The following GRID2 variants were observed in gnomAD, a reference collection of about 807,000 sequenced individuals.
GRID2 encodes glutamate ionotropic receptor delta type subunit 2, also known as glutamate receptor ionotropic, delta-2.
In GRID2, 33 loss-of-function variants were observed where a neutral mutation model predicts 114.8. The observed-to-expected ratio is 0.29, with a 90% CI of 0.22 to 0.38. The LOEUF (loss-of-function observed/expected upper bound fraction) is 0.38, where lower values mean the gene tolerates loss of function less well. Among genes scored for constraint, GRID2 ranks in the 10% least tolerant of loss-of-function variants. GRID2 has a pLI of 1.00. For synonymous variants in GRID2, 505 were observed against 449.9 expected (o/e 1.12, Z -1.55); for missense variants, 1,184 against 1,257.7 (o/e 0.94, Z 0.89).
intron 14 of GRID2, among the ~76,000 whole-genome samples, chr4:93,703,141 G>A (rs1285114751): frequency 1.3e-5 from 2 of 152,076 alleles, no homozygotes; most frequent in East Asian, 1.9e-4. Context: ...CATCAAGCAT[G>A]TATTCATGTT....
At chr4:92,795,105 C>T (rs181446081) in intron 2 of GRID2, among the ~76,000 whole-genome samples, 1 of 151,528 alleles carries the variant, frequency 6.6e-6, no homozygotes, top group East Asian at 2.0e-4. Context: ...AGGACTTTGT[C>T]TGGCTGTTTT....
At chr4:93,754,223 G>T (rs1732563997) in intron 14 of GRID2, among the ~76,000 whole-genome samples, 1 of 152,130 alleles carries the variant, frequency 6.6e-6, no homozygotes, top group Admixed American at 6.5e-5. Context: ...TCATTATGAG[G>T]TACATGACTG....
At chr4:93,160,227 A>T (rs1737563372) in intron 4 of GRID2, among the ~76,000 whole-genome samples, 1 of 151,856 alleles carries the variant, frequency 6.6e-6, no homozygotes, top group Non-Finnish European at 1.5e-5. Flanking sequence ...ATTGTGAAAC[A>T]CAGGTCATGA....
At chr4:92,932,876 G>T (rs1578514967) in intron 2 of GRID2, among the ~76,000 whole-genome samples, 1 of 151,324 alleles carries the variant, frequency 6.6e-6, no homozygotes, top group Middle Eastern at 3.4e-3. Flanking sequence ...AATTTGTAAA[G>T]TAGGCAAACT....
At chr4:93,073,668 A>T (rs1019478135) in intron 2 of GRID2, among the ~76,000 whole-genome samples, 4 of 152,110 alleles carry the variant, frequency 2.6e-5, no homozygotes, top group African/African-American at 9.7e-5. Flanking sequence ...AAGGGGGAAA[A>T]ATCCTCTTAT....
intron 4 of GRID2, among the ~76,000 whole-genome samples, chr4:93,157,096 A>T (rs1345299540): frequency 6.6e-6 from 1 of 151,692 alleles, no homozygotes; most frequent in Non-Finnish European, 1.5e-5. Flanking sequence ...GTTAAAGTGA[A>T]ATTTTGTCAC....
rs570975225 is a variant in GRID2, at chr4:93,663,491, ATATG to A, written c.2360+37064_2360+37067del. On this transcript the variant is annotated intron_variant, in intron 14 of 15. Transcript: ENST00000282020. ...AGTACTCACTGTGTGTCCAAAATACATATGTATGTATTATGTGTGTGTATGTGTG... is the reference window on the plus strand; with the variant it reads ...AGTACTCACTGTGTGTCCAAAATACATATGTATTATGTGTGTGTATGTGTG... Among the ~76,000 whole-genome samples the A allele has an allele frequency of 1.5e-3, 230 of 152,148 alleles. 2 individuals carry two copies. The highest frequency in any genetic ancestry group is 2.2e-3 in the Non-Finnish European group (152 of 67,988).
At chr4:92,459,784 T>C (rs978020464) in intron 1 of GRID2, among the ~76,000 whole-genome samples, 1 of 151,658 alleles carries the variant, frequency 6.6e-6, no homozygotes, top group Non-Finnish European at 1.5e-5. Context: ...ATAGATGAGA[T>C]TAGCATTTAT....
intron 2 of GRID2, among the ~76,000 whole-genome samples, chr4:92,887,358 T>TTTTTG (rs1178382314): frequency 2.0e-5 from 3 of 152,152 alleles, no homozygotes; most frequent in South Asian, 2.1e-4. Flanking sequence ...CATATCTTTG[T>TTTTTG]TTTTGTTTTG....
intron 1 of GRID2, among the ~76,000 whole-genome samples, chr4:92,355,354 T>G (rs1579229520): frequency 6.6e-6 from 1 of 152,056 alleles, no homozygotes; most frequent in East Asian, 1.9e-4. Context: ...ATGCAAAATT[T>G]TACTACTTAA....
intron 1 of GRID2, among the ~76,000 whole-genome samples, chr4:92,502,109 A>T (rs770864820): frequency 5.3e-5 from 8 of 152,112 alleles, no homozygotes; most frequent in Non-Finnish European, 1.5e-5. Flanking sequence ...TATTCCTTTT[A>T]AAAAAATAAA....
intron 13 of GRID2, among the ~76,000 whole-genome samples, chr4:93,524,626 G>T (rs571422024): frequency 2.0e-5 from 3 of 151,696 alleles, no homozygotes; most frequent in Admixed American, 6.6e-5. Flanking sequence ...TAGAATCATT[G>T]TGACACATGT....
chr4:93,123,332 A>G (rs1733968306), intron 4 of GRID2, among the ~76,000 whole-genome samples: 1 of 152,200 alleles, frequency 6.6e-6, no homozygotes, highest in African/African-American at 2.4e-5. Context: ...ATAATTGTGG[A>G]AAAACAAGAA....
chr4:93,577,161 G>A (rs539978956), intron 13 of GRID2, among the ~76,000 whole-genome samples: 21 of 152,092 alleles, frequency 1.4e-4, no homozygotes, highest in Non-Finnish European at 2.5e-4. Context: ...TTACACTCAA[G>A]CGTCATACAA....
intron 2 of GRID2, among the ~76,000 whole-genome samples, chr4:92,849,668 T>C (rs1164894073): frequency 6.6e-6 from 1 of 151,908 alleles, no homozygotes; most frequent in Non-Finnish European, 1.5e-5. Flanking sequence ...GCAATCTTTA[T>C]TATAGTCTAA....
chr4:92,340,893 A>G (rs1461623417), intron 1 of GRID2, among the ~76,000 whole-genome samples: 1 of 152,068 alleles, frequency 6.6e-6, no homozygotes, highest in Non-Finnish European at 1.5e-5. Flanking sequence ...TTTTTCTGAG[A>G]CCACAAAGCA....
intron 1 of GRID2, among the ~76,000 whole-genome samples, chr4:92,559,364 C>A (rs908644128): frequency 6.6e-6 from 1 of 152,038 alleles, no homozygotes; most frequent in Non-Finnish European, 1.5e-5. Context: ...ATGCTCGGGA[C>A]AAGAAGTGTT....
chr4:92,709,327 TAAC>T (rs1163248997), intron 2 of GRID2, among the ~76,000 whole-genome samples: 7 of 152,046 alleles, frequency 4.6e-5, no homozygotes, highest in African/African-American at 7.2e-5. Flanking sequence ...AAATATTTAA[TAAC>T]AACATTCTGC....
In GRID2 at chr4:93,320,399, G is replaced by A. The variant is rs903233436; in HGVS notation, c.1246-75208G>A. On this transcript the variant is annotated intron_variant, in intron 8 of 15. Transcript: ENST00000282020. ...AATAAGTGATTCTCAACACTTTGAG[G>A]AATTTTAACCCATGAGGACATTTTA... is the stretch of plus-strand genomic sequence containing the variant. Among the ~76,000 whole-genome samples the A allele has an allele frequency of 7.2e-5, 11 of 152,208 alleles. No homozygotes were observed. In the South Asian group the frequency reaches 1.2e-3, roughly 17 times the overall value.
Sources: allele counts gnomAD v4.1 joint callset (sites outside exome capture counted in the v4.1 genomes callset), GRCh38; gene constraint gnomAD v4.1.1; transcripts MANE v1.5; gene names NCBI Gene and HGNC (gene_info 2026-07-23, HGNC 2026-07-21).